Variants in ATP2C2 observed in about 807,000 individuals in gnomAD.
ATP2C2 encodes calcium-transporting ATPase type 2C member 2.
In ATP2C2, 171 loss-of-function variants were observed where a neutral mutation model predicts 110.8. That is an observed-to-expected ratio of 1.54 (90% CI 1.36 to 1.75). The LOEUF (loss-of-function observed/expected upper bound fraction) is 1.75. Among genes scored for constraint, ATP2C2 ranks in the 40% most tolerant of loss-of-function variants. The pLI is 0.00. For synonymous variants in ATP2C2, 804 were observed against 508.4 expected (o/e 1.58, Z -7.82); for missense variants, 1,963 against 1,235.0 (o/e 1.59, Z -8.84).
chr16:84,448,876 C>G (rs1396376705), intron 17 of ATP2C2, among the ~76,000 whole-genome samples, 187 bp downstream of exon 17: 2 of 152,206 alleles, frequency 1.3e-5, no homozygotes, highest in Non-Finnish European at 2.9e-5. Flanking sequence ...CCACCTCATC[C>G]CAGTTCCTTA....
intron 1 of ATP2C2, among the ~76,000 whole-genome samples, chr16:84,387,654 T>G (rs7205535): frequency 6.6e-6 from 1 of 152,102 alleles, no homozygotes; most frequent in African/African-American, 2.4e-5. Context: ...TTCATGGAAA[T>G]GCACCAGTGA....
chr16:84,383,320 C>G (rs73262021), intron 1 of ATP2C2, among the ~76,000 whole-genome samples: 3,734 of 152,282 alleles, frequency 0.025, 156 homozygotes, highest in African/African-American at 0.086. Context: ...TGACCTTGGG[C>G]AAAGCTCTCA....
intron 2 of ATP2C2, among the ~76,000 whole-genome samples, chr16:84,402,417 C>G (rs753569403): frequency 6.6e-5 from 10 of 152,174 alleles, no homozygotes; most frequent in Non-Finnish European, 1.0e-4. Flanking sequence ...TTTCATCATT[C>G]AATATGACAC....
Position 84,439,418 on chromosome 16 carries a change from T to C in ATP2C2, c.1112-9T>C. ...CTTCTCTTCTATAAACTGGTGTTTG[T>C]TGTACCAGGTTGCTGCAGCGTTCTC... is the stretch of plus-strand genomic sequence containing the variant. On this transcript the variant is annotated splice_polypyrimidine_tract_variant and intron_variant, in intron 12 of 26. Coordinates refer to ENST00000262429, the MANE Select transcript of ATP2C2 (RefSeq NM_014861.4). 6.2e-7 allele frequency: 1 copy of C among 1,614,086 alleles called. No homozygotes were observed. The highest frequency in any genetic ancestry group is 8.5e-7 in the Non-Finnish European group (1 of 1,179,962).
intron 1 of ATP2C2, among the ~76,000 whole-genome samples, chr16:84,388,331 A>G (rs961865586): frequency 8.5e-5 from 13 of 152,084 alleles, no homozygotes; most frequent in African/African-American, 2.2e-4. Flanking sequence ...TCTCAAAAAA[A>G]AAAGAAAGAA....
chr16:84,382,827 C>T (rs886655151), intron 1 of ATP2C2, among the ~76,000 whole-genome samples: 2 of 144,172 alleles, frequency 1.4e-5, no homozygotes, highest in Non-Finnish European at 3.0e-5. Flanking sequence ...ACCCAGGAGG[C>T]GGAGGTTGCA....
rs552464995 is a variant in ATP2C2, at chr16:84,434,428, C to G, written c.987-4738C>G. Among the ~76,000 whole-genome samples, 3 of 150,906 alleles carry G rather than the reference C, an allele frequency of 2.0e-5. No individual in the cohort carries two copies. In the South Asian group the frequency reaches 6.3e-4, roughly 31 times the overall value. On this transcript the variant is annotated intron_variant, in intron 11 of 26. Transcript: ENST00000262429. ...AGACTCCATCTCAAAAAACAAAAAA[C>G]AAACAAACAAAAAAATTCCCTATAT...
chr16:84,424,599 T>TTTTTA (rs376880864), intron 10 of ATP2C2, among the ~76,000 whole-genome samples: 2,949 of 129,884 alleles, frequency 0.023, 73 homozygotes, highest in African/African-American at 0.039. Context: ...TTTTTTTTTT[T>TTTTTA]AACATTTTGG....
At chr16:84,411,872 G>A (rs1242949238) in intron 6 of ATP2C2, among the ~76,000 whole-genome samples, 1 of 152,188 alleles carries the variant, frequency 6.6e-6, no homozygotes, top group African/African-American at 2.4e-5. Context: ...GCTGCCATTG[G>A]TGGAGGAAGC....
At position 84,408,446 on chromosome 16, in the gene ATP2C2, G is replaced by A. The variant is rs749394656; in HGVS notation, c.369G>A (p.Leu123=). The A allele has an allele frequency of 3.1e-6, 5 of 1,613,822 alleles. No homozygotes were observed. In the South Asian group the frequency reaches 5.5e-5, roughly 18 times the overall value. Residue 123 remains leucine, a synonymous_variant, in exon 4 of 27, where the codon CTG becomes CTA. Coordinates refer to ENST00000262429, the MANE Select transcript of ATP2C2 (RefSeq NM_014861.4). The part of the protein sequence containing the change: ...PLILLLLGSA[L]VSVLTKEYED... Reference sequence around the variant, plus strand: ...TCCTGCTGCTGCTGGGCTCTGCCCTGGTGAGTGTCCTCACCAAGGAGTATG... The same window carrying A: ...TCCTGCTGCTGCTGGGCTCTGCCCTAGTGAGTGTCCTCACCAAGGAGTATG...
intron 11 of ATP2C2, among the ~76,000 whole-genome samples, chr16:84,426,439 C>T (rs1387634593): frequency 6.6e-6 from 1 of 152,148 alleles, no homozygotes; most frequent in Non-Finnish European, 1.5e-5. Flanking sequence ...ACTGTATCAG[C>T]TTTCTTGTCA....
Position 84,397,655 on chromosome 16 carries a change from C to CAAAAAAAAAAAAAAAAAAAAAAAAA in ATP2C2, c.100-826_100-825insAAAAAAAAAAAAAAAAAAAAAAAAA, listed in dbSNP as rs58934576. Among the ~76,000 whole-genome samples, 244 of 63,480 alleles carry CAAAAAAAAAAAAAAAAAAAAAAAAA rather than the reference C, an allele frequency of 3.8e-3. 38 individuals carry two copies. Among genetic ancestry groups the CAAAAAAAAAAAAAAAAAAAAAAAAA allele is most frequent in the Non-Finnish European group, 6.4e-3 (182 of 28,348 alleles). 41.6% of individuals were successfully genotyped at this position (63,480 alleles called of 152,430 possible). ...CACCACTGCACTCCAGCCTGGGTGA[C>CAAAAAAAAAAAAAAAAAAAAAAAAA]AAAAAAAAAAAAAAAAAACTTGCTT... On this transcript the variant is annotated intron_variant, in intron 1 of 26. Coordinates refer to ENST00000262429, the MANE Select transcript of ATP2C2 (RefSeq NM_014861.4).
intron 1 of ATP2C2, among the ~76,000 whole-genome samples, chr16:84,387,022 C>A (rs1304860744): frequency 6.6e-6 from 1 of 152,110 alleles, no homozygotes; most frequent in Non-Finnish European, 1.5e-5. Flanking sequence ...TTGATTGTCG[C>A]CACTCACCTG....
chr16:84,435,444 C>T (rs1908650839), intron 11 of ATP2C2, among the ~76,000 whole-genome samples: 2 of 152,202 alleles, frequency 1.3e-5, no homozygotes, highest in Admixed American at 1.3e-4. Flanking sequence ...CCAGCGCAGG[C>T]CTAAGCATTG....
chr16:84,405,269 G>A (rs769694265), intron 3 of ATP2C2, 25 bp downstream of exon 3: 11 of 1,576,452 alleles, frequency 7.0e-6, no homozygotes, highest in Non-Finnish European at 9.6e-6. Context: ...GTCATTCTTT[G>A]CATTAACATG....
chr16:84,462,192 C>T, intron 26 of ATP2C2, 63 bp downstream of exon 26: 1 of 1,569,264 alleles, frequency 6.4e-7, no homozygotes, highest in Non-Finnish European at 8.7e-7. Flanking sequence ...CGGCAGCTGC[C>T]AGGTGGGGAG....
At chr16:84,433,704 A>C (rs988849099) in intron 11 of ATP2C2, among the ~76,000 whole-genome samples, 15 of 145,672 alleles carry the variant, frequency 1.0e-4, no homozygotes, top group African/African-American at 3.1e-4. Context: ...ACACACACAC[A>C]CCCTCCTGCC....
At chr16:84,409,760 C>T (rs1222972589) in intron 4 of ATP2C2, among the ~76,000 whole-genome samples, 1 of 152,168 alleles carries the variant, frequency 6.6e-6, no homozygotes, top group African/African-American at 2.4e-5. Flanking sequence ...CCCTTGGTCT[C>T]CCAAATAGCT....
At chr16:84,394,693 C>T (rs773373905) in intron 1 of ATP2C2, among the ~76,000 whole-genome samples, 21 of 152,126 alleles carry the variant, frequency 1.4e-4, no homozygotes, top group Admixed American at 3.3e-4. Context: ...TCCATCATGG[C>T]CAGCAATCCC....
Sources: gnomAD v4.1 joint callset for allele counts (sites outside exome capture counted in the v4.1 genomes callset) on GRCh38, gnomAD v4.1.1 for gene constraint, MANE v1.5 for transcripts, NCBI Gene and HGNC (gene_info 2026-07-23, HGNC 2026-07-21) for gene names.